The following CGGBP1 variants were observed in gnomAD, a reference collection of about 807,000 sequenced individuals.
The protein encoded by CGGBP1 is CGG triplet repeat binding protein 1.
In CGGBP1, 4 loss-of-function variants were observed where a neutral mutation model predicts 11.4. That is an observed-to-expected ratio of 0.35 (90% CI 0.17 to 0.80). The LOEUF (loss-of-function observed/expected upper bound fraction) is 0.80, where lower values mean the gene tolerates loss of function less well. CGGBP1 is among the 30% of genes least tolerant of loss of function. The pLI is 0.52. For synonymous variants in CGGBP1, 76 were observed against 74.1 expected, an observed-to-expected ratio of 1.03 and a Z score of -0.13; for missense variants, 135 against 202.1, an observed-to-expected ratio of 0.67 and a Z score of 2.01.
chr3:88,139,444 A>G (rs765161957), intron 2 of CGGBP1: 8 of 1,613,872 alleles, frequency 5.0e-6, no homozygotes, highest in Admixed American at 3.3e-5. Context: ...AAGCATTTGA[A>G]GAATCATGTT....
intron 1 of CGGBP1, among the ~76,000 whole-genome samples, 174 bp downstream of exon 1, chr3:88,058,641 G>GGCAGGCGCCTGGCGGAGGCGGCC (rs1706647482): frequency 6.6e-6 from 1 of 152,202 alleles, no homozygotes; most frequent in African/African-American, 2.4e-5. Flanking sequence ...GGGAGGCGGC[G>GGCAGGCGCCTGGCGGAGGCGGCC]GCAGGCGCCT....
chr3:88,069,187 C>T (rs980641170), intron 2 of CGGBP1, among the ~76,000 whole-genome samples: 3 of 152,016 alleles, frequency 2.0e-5, no homozygotes, highest in African/African-American at 7.3e-5. Context: ...TTTGGGAGGC[C>T]GAGGCAGGTA....
At chr3:88,112,635 A>G (rs1207698242) in intron 2 of CGGBP1, among the ~76,000 whole-genome samples, 1 of 152,072 alleles carries the variant, frequency 6.6e-6, no homozygotes, top group Admixed American at 6.6e-5. Flanking sequence ...ATGCTATAAT[A>G]TAAATGTTGG....
At chr3:88,092,888 G>A (rs1285372021) in intron 2 of CGGBP1, among the ~76,000 whole-genome samples, 2 of 152,102 alleles carry the variant, frequency 1.3e-5, no homozygotes, top group Non-Finnish European at 2.9e-5. Context: ...TGGGACACTT[G>A]AAAATTAGAG....
intron 2 of CGGBP1, among the ~76,000 whole-genome samples, chr3:88,088,677 GGAAA>G (rs912271441): frequency 6.6e-6 from 1 of 152,016 alleles, no homozygotes; most frequent in African/African-American, 2.4e-5. Flanking sequence ...ATTGTAGGAG[GGAAA>G]GAGAGTTTAG....
chr3:88,089,439 C>T (rs549143397), intron 2 of CGGBP1, among the ~76,000 whole-genome samples: 478 of 150,668 alleles, frequency 3.2e-3, no homozygotes, highest in Non-Finnish European at 5.4e-3. Flanking sequence ...TGCAGTGAGC[C>T]AAGATCATGC....
At chr3:88,122,807 C>T (rs1410847711) in intron 2 of CGGBP1, among the ~76,000 whole-genome samples, 1 of 151,738 alleles carries the variant, frequency 6.6e-6, no homozygotes, top group Non-Finnish European at 1.5e-5. Flanking sequence ...GTGAGGAGTT[C>T]GATACCAGCC....
chr3:88,082,507 A>G (rs1444653565), intron 2 of CGGBP1, among the ~76,000 whole-genome samples: 1 of 152,226 alleles, frequency 6.6e-6, no homozygotes, highest in East Asian at 1.9e-4. Context: ...AATGACACCT[A>G]TGAACTGTGA....
At chr3:88,140,624 A>G (rs761140417) in intron 2 of CGGBP1, 46 of 1,613,630 alleles carry the variant, frequency 2.9e-5, no homozygotes, top group Non-Finnish European at 3.4e-5. Flanking sequence ...AAATAGAGCA[A>G]ACACCTTTAG....
chr3:88,141,142 A>G, intron 1 of CGGBP1: 1 of 1,408,292 alleles, frequency 7.1e-7, no homozygotes, highest in Non-Finnish European at 9.5e-7. Flanking sequence ...AAAAATTGAT[A>G]TTTGTGTAGC....
intron 2 of CGGBP1, among the ~76,000 whole-genome samples, chr3:88,065,640 A>G (rs1351098312): frequency 6.6e-6 from 1 of 152,114 alleles, no homozygotes; most frequent in East Asian, 1.9e-4. Context: ...AGTTTTTTAA[A>G]AATTAAACCT....
chr3:88,117,820 A>G (rs1254915945), intron 2 of CGGBP1, among the ~76,000 whole-genome samples: 1 of 152,144 alleles, frequency 6.6e-6, no homozygotes, highest in Non-Finnish European at 1.5e-5. Context: ...GGGTGGTGAC[A>G]TTTGTTAAGG....
At chr3:88,076,399 C>T (rs1356617896) in intron 2 of CGGBP1, among the ~76,000 whole-genome samples, 1 of 152,028 alleles carries the variant, frequency 6.6e-6, no homozygotes, top group East Asian at 1.9e-4. Flanking sequence ...TCTTTAAGTA[C>T]AGTTACTTCT....
chr3:88,113,229 TAC>T, intron 2 of CGGBP1: 2 of 1,383,634 alleles, frequency 1.4e-6, no homozygotes, highest in Non-Finnish European at 2.0e-6. Context: ...ACACTTTGTC[TAC>T]ACTTAAAATA....
At chr3:88,123,011 CAAAA>C (rs1289535548) in intron 2 of CGGBP1, among the ~76,000 whole-genome samples, 2 of 76,142 alleles carry the variant, frequency 2.6e-5, no homozygotes, top group Non-Finnish European at 2.9e-5. Context: ...CTCTGAGTCT[CAAAA>C]AAAAAAAAAA....
At chr3:88,064,387 C>A (rs751728265) in intron 2 of CGGBP1, among the ~76,000 whole-genome samples, 4 of 152,116 alleles carry the variant, frequency 2.6e-5, no homozygotes, top group Non-Finnish European at 5.9e-5. Context: ...TTTTGTTTAT[C>A]CCTTTCCTTC....
At chr3:88,095,136 A>G (rs1230384249) in intron 2 of CGGBP1, among the ~76,000 whole-genome samples, 1 of 152,160 alleles carries the variant, frequency 6.6e-6, no homozygotes, top group Non-Finnish European at 1.5e-5. Flanking sequence ...TATCTTGAAA[A>G]GGTTTTCCCT....
rs376307986 is a variant in CGGBP1 at position 88,119,049 on chromosome 3, G to A, written c.-229+21921C>T. ...CCCATTACTGGGTATATACCCAAAG[G>A]ACTATAAATCATGCTGCTATAAAGA... On this transcript the variant is annotated intron_variant, in intron 2 of 3. Transcript: ENST00000462901. 5.2e-3 allele frequency among the ~76,000 whole-genome samples: 773 copies of A among 149,294 alleles called. 2 individuals are homozygous for A. Among genetic ancestry groups the A allele is most frequent in the African/African-American group, 0.016 (663 of 40,276 alleles).
chr3:88,073,273 A>G (rs1707618927), intron 2 of CGGBP1, among the ~76,000 whole-genome samples: 1 of 152,204 alleles, frequency 6.6e-6, no homozygotes, highest in Non-Finnish European at 1.5e-5. Flanking sequence ...TGCATGCTAA[A>G]GTTTGAGAGC....
Sources: allele counts gnomAD v4.1 joint callset (sites outside exome capture counted in the v4.1 genomes callset), GRCh38; gene constraint gnomAD v4.1.1; transcripts MANE v1.5; gene names NCBI Gene and HGNC (gene_info 2026-07-23, HGNC 2026-07-21).